The following ACSS3 variants were observed in gnomAD, a reference collection of about 807,000 sequenced individuals.
ACSS3 encodes the protein acyl-CoA synthetase short-chain family member 3, mitochondrial.
In ACSS3, 64 loss-of-function variants were observed where a neutral mutation model predicts 84.2. The ratio of observed to expected loss-of-function variants is 0.76; its 90% confidence interval spans 0.62 to 0.94. The LOEUF (loss-of-function observed/expected upper bound fraction) is 0.94, where lower values mean the gene tolerates loss of function less well. ACSS3 is among the 40% of genes least tolerant of loss of function. The probability of loss-of-function intolerance (pLI) is 0.00; values close to 1 mark genes in which losing one functional copy is unlikely to be tolerated. For missense variants in ACSS3, 815 were observed against 867.6 expected (o/e 0.94, Z 0.76); for synonymous variants, 317 against 310.1 (o/e 1.02, Z -0.23).
chr12:81,192,323 T>C, intron 8 of ACSS3, among the ~76,000 whole-genome samples: 1 of 152,074 alleles, frequency 6.6e-6, no homozygotes, highest in Non-Finnish European at 1.5e-5. Flanking sequence ...AAGGTTATAG[T>C]AAGCCGAGAC....
chr12:81,080,217 G>A (rs1158305368), intron 1 of ACSS3, among the ~76,000 whole-genome samples: 1 of 152,088 alleles, frequency 6.6e-6, no homozygotes, highest in Non-Finnish European at 1.5e-5. Context: ...GGAGTGATTC[G>A]AGAGGACAAT....
chr12:81,151,795 GT>G, intron 5 of ACSS3, 48 bp from the exon 6 acceptor site: 1 of 1,537,392 alleles, frequency 6.5e-7, no homozygotes. Context: ...GATAGAGAGT[GT>G]TTTTACACAT....
intron 11 of ACSS3, among the ~76,000 whole-genome samples, chr12:81,220,786 AC>A (rs1246888985): frequency 1.3e-5 from 2 of 152,078 alleles, no homozygotes; most frequent in Non-Finnish European, 2.9e-5. Context: ...TTTTCCCTTA[AC>A]CTTGTCTCAT....
chr12:81,199,700 T>C (rs2032014396), intron 9 of ACSS3: 1 of 1,386,950 alleles, frequency 7.2e-7, no homozygotes, highest in African/African-American at 1.4e-5. Flanking sequence ...TCTTCTTTGT[T>C]TCTTATATCT....
chr12:81,253,265 G>C, intron 13 of ACSS3, 42 bp from the exon 14 acceptor site: 1 of 1,518,522 alleles, frequency 6.6e-7, no homozygotes, highest in African/African-American at 1.4e-5. Context: ...TACATATATG[G>C]TAAATAAATG....
intron 7 of ACSS3, among the ~76,000 whole-genome samples, chr12:81,153,309 G>T (rs1299047150): frequency 6.6e-6 from 1 of 151,708 alleles, no homozygotes; most frequent in Non-Finnish European, 1.5e-5. Context: ...TCAGGAGGCT[G>T]AGGCAGGAGA....
chr12:81,213,263 C>G (rs2032664671), intron 9 of ACSS3, among the ~76,000 whole-genome samples: 1 of 152,088 alleles, frequency 6.6e-6, no homozygotes, highest in Admixed American at 6.5e-5. Flanking sequence ...GGGGTTGTCA[C>G]TAATCAGAAG....
At chr12:81,169,222 C>T (rs11114779) in intron 7 of ACSS3, among the ~76,000 whole-genome samples, 98,588 of 151,944 alleles carry the variant, frequency 0.65, 32,637 homozygotes, top group Non-Finnish European at 0.73. Flanking sequence ...ATGGTACATC[C>T]CTAGCAAGTA....
At chr12:81,187,218 G>T (rs2031316031) in intron 8 of ACSS3, among the ~76,000 whole-genome samples, 1 of 151,590 alleles carries the variant, frequency 6.6e-6, no homozygotes, top group African/African-American at 2.4e-5. Context: ...GAAGAAAGGG[G>T]AAATGAACAG....
Position 81,220,041 on chromosome 12 carries a change from A to G in ACSS3, c.1479A>G (p.Lys493=). The G allele has an allele frequency of 6.5e-7, 1 of 1,543,588 alleles. No homozygotes were observed. The change falls in exon 11 of 16, where the codon AAA becomes AAG. Residue 493 remains lysine (K), a synonymous_variant. Coordinates refer to ENST00000548058, the MANE Select transcript of ACSS3 (RefSeq NM_024560.4). ...TGATTTTGGATGACAACATGCAAAA[A>G]CTGAAGGCTCGGTGTTTAGGAAATA... is the stretch of plus-strand genomic sequence containing the variant. ...NVMILDDNMQ[K]LKARCLGNIV... is the part of the protein sequence containing the mutation.
At chr12:81,191,725 A>G (rs1406909860) in intron 8 of ACSS3, among the ~76,000 whole-genome samples, 1 of 152,122 alleles carries the variant, frequency 6.6e-6, no homozygotes, top group Non-Finnish European at 1.5e-5. Flanking sequence ...TACTTTAATG[A>G]CACATATGTT....
At chr12:81,244,342 G>T (rs2033913411) in intron 13 of ACSS3, among the ~76,000 whole-genome samples, 4 of 151,552 alleles carry the variant, frequency 2.6e-5, no homozygotes, top group Admixed American at 2.0e-4. Flanking sequence ...CTACATGTAG[G>T]ATTTTTTTTT....
chr12:81,133,356 G>A (rs1043353449), intron 2 of ACSS3, among the ~76,000 whole-genome samples: 8 of 152,146 alleles, frequency 5.3e-5, no homozygotes, highest in Admixed American at 2.0e-4. Flanking sequence ...TCAAAGGCAA[G>A]CCATGGTCCT....
intron 7 of ACSS3, among the ~76,000 whole-genome samples, chr12:81,165,374 A>G (rs1011190889): frequency 3.3e-5 from 5 of 152,192 alleles, no homozygotes; most frequent in Non-Finnish European, 7.4e-5. Context: ...GGCCGGGCGC[A>G]GTGGCTCATG....
At chr12:81,114,047 C>T (rs1262810709) in intron 2 of ACSS3, among the ~76,000 whole-genome samples, 3 of 151,896 alleles carry the variant, frequency 2.0e-5, no homozygotes, top group Non-Finnish European at 4.4e-5. Context: ...GTTGAATTTA[C>T]TTCTGTGTGT....
intron 9 of ACSS3, among the ~76,000 whole-genome samples, chr12:81,204,313 C>T (rs2032246906): frequency 6.7e-6 from 1 of 149,702 alleles, no homozygotes; most frequent in African/African-American, 2.5e-5. Flanking sequence ...TTCTTCCTTC[C>T]TCCTCTTCTT....
At chr12:81,244,859 CTG>C (rs1309530126) in intron 13 of ACSS3, among the ~76,000 whole-genome samples, 12 of 151,936 alleles carry the variant, frequency 7.9e-5, no homozygotes, top group African/African-American at 2.2e-4. Flanking sequence ...TCCAATATTC[CTG>C]TCATATGAAA....
At position 81,181,965 on chromosome 12, in the gene ACSS3, A is replaced by C. The variant is rs561508391; in HGVS notation, c.1250+7026A>C. ...ATTATGTTCTTTAAGAAGGGAAGAG[A>C]CAGAGAAAGGGACTAACAGCTTATT... On this transcript the variant is annotated intron_variant, in intron 8 of 15. Coordinates refer to ENST00000548058, the MANE Select transcript of ACSS3 (RefSeq NM_024560.4). Among the ~76,000 whole-genome samples, 31 of 152,284 alleles carry C rather than the reference A, an allele frequency of 2.0e-4. 1 individual carries two copies. In the South Asian group the frequency reaches 4.1e-3, roughly 20 times the overall value.
At chr12:81,148,086 A>C (rs773348613) in intron 5 of ACSS3, among the ~76,000 whole-genome samples, 1 of 152,046 alleles carries the variant, frequency 6.6e-6, no homozygotes, top group South Asian at 2.1e-4. Flanking sequence ...GGAAATAGGA[A>C]GTTTTGTCAT....
Sources: allele counts gnomAD v4.1 joint callset (sites outside exome capture counted in the v4.1 genomes callset), GRCh38; gene constraint gnomAD v4.1.1; transcripts MANE v1.5; gene names NCBI Gene and HGNC (gene_info 2026-07-23, HGNC 2026-07-21).